Variants in HOMER2 observed in about 807,000 individuals in gnomAD.
HOMER2 encodes homer scaffold protein 2.
A neutral mutation model predicts 47.0 loss-of-function variants in HOMER2; 27 were observed. That is an observed-to-expected ratio of 0.57 (90% confidence interval 0.42 to 0.79). The LOEUF (loss-of-function observed/expected upper bound fraction) is 0.79, where lower values mean the gene tolerates loss of function less well. Ranked by LOEUF, HOMER2 falls within the 30% of genes least tolerant of loss-of-function variation. The pLI is 0.00. For missense variants in HOMER2, 443 were observed against 435.0 expected (o/e 1.02, Z -0.16); for synonymous variants, 161 against 163.8 (o/e 0.98, Z 0.13).
At chr15:82,947,728 C>A (rs2054412549) in intron 1 of HOMER2, among the ~76,000 whole-genome samples, 2 of 152,132 alleles carry the variant, frequency 1.3e-5, no homozygotes, top group Admixed American at 1.3e-4. Flanking sequence ...AAAGTTAACC[C>A]AAAAATTATC....
At chr15:82,953,758 C>G (rs1051119823), upstream of HOMER2, among the ~76,000 whole-genome samples, 31 of 152,206 alleles carry the variant, frequency 2.0e-4, no homozygotes, top group African/African-American at 7.5e-4. Flanking sequence ...AGACAGGCGC[C>G]TGTAGTCCCA....
rs867836509 is a variant in HOMER2 at position 82,984,035 on chromosome 15, A to T, written n.82+1752T>A. 5.0e-3 allele frequency among the ~76,000 whole-genome samples: 735 copies of T among 145,688 alleles called. 4 individuals are homozygous for T. Among genetic ancestry groups the T allele is most frequent in the Middle Eastern group, 0.025 (7 of 278 alleles). ...ATAGTACTATTCAATTATTATTATT[A>T]TTTTTTTTTTTTTTTGAGACGGAGT... is the stretch of plus-strand genomic sequence containing the variant. On this transcript the variant is annotated intron_variant and non_coding_transcript_variant, in intron 1 of 1. Coordinates refer to the HOMER2 transcript ENST00000500334.
chr15:82,894,283 T>C (rs1284675871), intron 1 of HOMER2, among the ~76,000 whole-genome samples: 1 of 152,246 alleles, frequency 6.6e-6, no homozygotes, highest in Non-Finnish European at 1.5e-5. Flanking sequence ...TTCTAAGCTA[T>C]CTACTTCCCA....
At chr15:82,976,110 A>G (rs527706767) in intron 1 of HOMER2, among the ~76,000 whole-genome samples, 51 of 152,320 alleles carry the variant, frequency 3.3e-4, no homozygotes, top group Non-Finnish European at 6.6e-4. Flanking sequence ...GGCAATCCAC[A>G]TAGTGTGTGT....
chr15:82,932,963 T>TC (rs1446581250), intron 1 of HOMER2, among the ~76,000 whole-genome samples: 1 of 151,706 alleles, frequency 6.6e-6, no homozygotes, highest in Non-Finnish European at 1.5e-5. Flanking sequence ...TAGAGCAAGC[T>TC]CCCCACCACA....
chr15:82,971,922 T>C (rs1045577791), intron 1 of HOMER2, among the ~76,000 whole-genome samples: 1 of 152,166 alleles, frequency 6.6e-6, no homozygotes, highest in Non-Finnish European at 1.5e-5. Context: ...CCCTTAAGGT[T>C]TTCCAGGCCT....
At chr15:82,982,741 C>G (rs972045431) in intron 1 of HOMER2, among the ~76,000 whole-genome samples, 7 of 152,172 alleles carry the variant, frequency 4.6e-5, no homozygotes, top group Non-Finnish European at 1.5e-5. Flanking sequence ...CACAAGGAAA[C>G]AACCAAACTA....
chr15:82,930,165 C>T (rs1003368350), intron 1 of HOMER2, among the ~76,000 whole-genome samples: 1 of 152,180 alleles, frequency 6.6e-6, no homozygotes, highest in African/African-American at 2.4e-5. Flanking sequence ...CCCTCAGGGT[C>T]GGACCACACA....
intron 5 of HOMER2, among the ~76,000 whole-genome samples, 198 bp from the exon 6 acceptor site, chr15:82,854,998 T>A (rs1322423475): frequency 2.6e-5 from 4 of 152,122 alleles, no homozygotes; most frequent in African/African-American, 9.7e-5. Flanking sequence ...GGTGTGAACA[T>A]GTCATCCTGT....
In HOMER2 at chr15:82,952,633, T is replaced by C; in HGVS notation, c.-98A>G. ...CCCGCGCGGCACATGCGGCGGCCCG[T>C]GCGCGCCCGGCTCAGCCCCGGCGCC... On this transcript the variant is annotated 5_prime_UTR_variant, in exon 1 of 9. Coordinates refer to ENST00000450735, the MANE Select transcript of HOMER2 (RefSeq NM_004839.4). The C allele has an allele frequency of 9.7e-7, 1 of 1,032,256 alleles. No homozygotes were observed. The allele number at this position is 1,032,256 out of a possible 1,614,324, so 63.9% of individuals were successfully genotyped here. A position where few individuals can be genotyped will look rare whatever the true frequency, so the allele number is the denominator to read the frequency against.
At chr15:82,907,720 A>C (rs1269983866) in intron 1 of HOMER2, among the ~76,000 whole-genome samples, 2 of 152,190 alleles carry the variant, frequency 1.3e-5, no homozygotes, top group African/African-American at 4.8e-5. Context: ...GATAGACCAT[A>C]TTCTGGGCCA....
intron 3 of HOMER2, among the ~76,000 whole-genome samples, chr15:82,874,773 C>T (rs1416831536): frequency 6.6e-6 from 1 of 152,178 alleles, no homozygotes; most frequent in Non-Finnish European, 1.5e-5. Flanking sequence ...ACAAAGTGTG[C>T]CTTACTTCAA....
chr15:82,868,095 A>C (rs1412465758), intron 3 of HOMER2, among the ~76,000 whole-genome samples: 1 of 151,974 alleles, frequency 6.6e-6, no homozygotes, highest in Non-Finnish European at 1.5e-5. Flanking sequence ...AGAAAAAAAT[A>C]TTTTTTTCAT....
chr15:82,967,868 C>A (rs1295320573), intron 1 of HOMER2, among the ~76,000 whole-genome samples: 1 of 151,558 alleles, frequency 6.6e-6, no homozygotes, highest in Non-Finnish European at 1.5e-5. Context: ...CAGAGCAAGA[C>A]TCTGTCTCAG....
intron 2 of HOMER2, among the ~76,000 whole-genome samples, chr15:82,877,459 G>A (rs1258602379): frequency 1.3e-5 from 2 of 152,060 alleles, no homozygotes; most frequent in Admixed American, 6.5e-5. Flanking sequence ...GTGAACCACC[G>A]CACCTGGCTG....
intron 1 of HOMER2, among the ~76,000 whole-genome samples, chr15:82,969,973 C>T (rs1321486734): frequency 1.3e-5 from 2 of 152,170 alleles, no homozygotes; most frequent in Non-Finnish European, 2.9e-5. Flanking sequence ...AACACAACAG[C>T]TGGATGAAAA....
At chr15:82,854,874 A>G (rs866888159) in intron 5 of HOMER2, 74 bp from the exon 6 acceptor site, 1 of 1,530,620 alleles carries the variant, frequency 6.5e-7, no homozygotes, top group Middle Eastern at 2.3e-4. Context: ...GGGGAAGGGG[A>G]CTCCGCCATC....
chr15:82,874,311 A>C (rs1567027025), intron 3 of HOMER2, among the ~76,000 whole-genome samples: 1 of 152,208 alleles, frequency 6.6e-6, no homozygotes, highest in Non-Finnish European at 1.5e-5. Flanking sequence ...ACTCCTTGAG[A>C]GACTCCAACA....
chr15:82,857,852 G>A (rs917132797), intron 5 of HOMER2, among the ~76,000 whole-genome samples: 2 of 152,130 alleles, frequency 1.3e-5, no homozygotes, highest in African/African-American at 2.4e-5. Context: ...TCATGGGACC[G>A]CCCTAAACCA....
Sources: gnomAD v4.1 joint callset for allele counts (sites outside exome capture counted in the v4.1 genomes callset) on GRCh38, gnomAD v4.1.1 for gene constraint, MANE v1.5 for transcripts, NCBI Gene and HGNC (gene_info 2026-07-23, HGNC 2026-07-21) for gene names.